Variants in CACNA1D observed in about 807,000 individuals in gnomAD.
CACNA1D encodes calcium voltage-gated channel subunit alpha1 D.
CACNA1D carries 55 observed loss-of-function variants against 257.1 expected under a neutral mutation model. The ratio of observed to expected loss-of-function variants is 0.21; its 90% confidence interval spans 0.17 to 0.27. The LOEUF is 0.27. CACNA1D is among the 10% of genes least tolerant of loss of function. The pLI is 1.00. For missense variants in CACNA1D, 1,876 were observed against 2,784.0 expected, an observed-to-expected ratio of 0.67 and a Z score of 7.34; for synonymous variants, 980 against 1,014.9, an observed-to-expected ratio of 0.97 and a Z score of 0.65.
chr3:53,728,700 A>G (rs145486919), intron 15 of CACNA1D, among the ~76,000 whole-genome samples: 5 of 152,308 alleles, frequency 3.3e-5, no homozygotes, highest in African/African-American at 1.2e-4. Flanking sequence ...TGTTTTCTTT[A>G]TAGCACATGC....
chr3:53,499,063 A>G (rs2090471703), intron 2 of CACNA1D, among the ~76,000 whole-genome samples: 2 of 152,066 alleles, frequency 1.3e-5, no homozygotes, highest in Non-Finnish European at 2.9e-5. Flanking sequence ...GTAAGCAGAG[A>G]CCTCTTTGTG....
At position 53,749,431 on chromosome 3, in the gene CACNA1D, G is replaced by A. The variant is rs1298901616; in HGVS notation, c.3478G>A (p.Glu1160Lys). Residue 1160 changes from glutamate (E) to lysine (K), a missense_variant, in exon 27 of 48, where the codon GAA (glutamate) becomes AAA (lysine). Physicochemically the swap from Glu to Lys is moderately conservative, Grantham distance 56. Transcript: ENST00000350061. ...CATCGTTACATTTCAGGAACAAGGA[G>A]AAAAAGAGTATAAGAACTGTGAGCT... ...FVIVTFQEQG[E>K]KEYKNCELDK... is the part of the protein sequence containing the mutation. 6.2e-7 allele frequency: 1 copy of A among 1,613,990 alleles called. No individual in the cohort carries two copies. Among genetic ancestry groups the A allele is most frequent in the Admixed American group, 1.7e-5 (1 of 60,024 alleles).
At chr3:53,538,193 G>GCTGGAGTGCA (rs2107502469) in intron 3 of CACNA1D, among the ~76,000 whole-genome samples, 1 of 136,470 alleles carries the variant, frequency 7.3e-6, no homozygotes, top group South Asian at 2.4e-4. Flanking sequence ...TATCTCCCAG[G>GCTGGAGTGCA]CTGGAGTGCA....
intron 3 of CACNA1D, among the ~76,000 whole-genome samples, chr3:53,588,843 C>T (rs764806383): frequency 3.3e-5 from 5 of 152,088 alleles, no homozygotes; most frequent in Admixed American, 6.5e-5. Flanking sequence ...TAACAGATTC[C>T]GATCTCCTTT....
intron 3 of CACNA1D, among the ~76,000 whole-genome samples, chr3:53,526,376 T>A (rs2091766466): frequency 6.6e-6 from 1 of 152,234 alleles, no homozygotes; most frequent in African/African-American, 2.4e-5. Flanking sequence ...TATTCCCACC[T>A]GACATAGCCT....
At chr3:53,614,185 G>A (rs2093612903) in intron 3 of CACNA1D, among the ~76,000 whole-genome samples, 1 of 151,576 alleles carries the variant, frequency 6.6e-6, no homozygotes, top group Non-Finnish European at 1.5e-5. Context: ...TAGAGCACTT[G>A]AGGAAGACAT....
intron 3 of CACNA1D, among the ~76,000 whole-genome samples, chr3:53,601,361 A>G (rs2093439821): frequency 6.6e-6 from 1 of 152,016 alleles, no homozygotes; most frequent in Admixed American, 6.6e-5. Context: ...CTGAGAACCA[A>G]TCCACTTTAC....
intron 3 of CACNA1D, among the ~76,000 whole-genome samples, chr3:53,591,377 C>T (rs571283812): frequency 1.2e-4 from 18 of 152,238 alleles, no homozygotes; most frequent in African/African-American, 3.4e-4. Context: ...TTCAGCCTCC[C>T]GAGTAGCTGG....
At position 53,800,642 on chromosome 3, in the gene CACNA1D, G is replaced by T. The variant is rs952967588; in HGVS notation, c.5040+277G>T. ...CCACAGCCGCTGGCCCTGTGGATGA[G>T]CATCCTGAGTCCTTCCGGCAGCTGC... On this transcript the variant is annotated intron_variant, in intron 41 of 47. Coordinates refer to ENST00000350061, the MANE Select transcript of CACNA1D (RefSeq NM_001128840.3). The surrounding 1 kb of genome is among the most constrained non-coding windows in gnomAD (Gnocchi z 4.3). 3.8e-6 allele frequency: 2 copies of T among 523,610 alleles called. No individual in the cohort carries two copies. The highest frequency in any genetic ancestry group is 7.2e-5 in the East Asian group (2 of 27,816). 32.4% of individuals were successfully genotyped at this position (523,610 alleles called of 1,614,324 possible).
chr3:53,580,405 G>A (rs1303537929), intron 3 of CACNA1D, among the ~76,000 whole-genome samples: 2 of 152,226 alleles, frequency 1.3e-5, no homozygotes, highest in Admixed American at 6.5e-5. Context: ...TTAGCACAGC[G>A]AATAGAGAAA....
At position 53,749,248 on chromosome 3, in the gene CACNA1D, C is replaced by T. The variant is rs774426081; in HGVS notation, c.3315-20C>T. The T allele has an allele frequency of 2.5e-6, 4 of 1,600,268 alleles. No homozygotes were observed. The highest frequency in any genetic ancestry group is 3.4e-6 in the Non-Finnish European group (4 of 1,167,894). On this transcript the variant is annotated intron_variant, in intron 26 of 47. Coordinates refer to ENST00000350061, the MANE Select transcript of CACNA1D (RefSeq NM_001128840.3). ...GGCTGGGGGGCTTGGCAGGTCCTCA[C>T]TTGGTTTTTCTCTCTCTAGGTTGCT...
At chr3:53,679,812 A>C (rs1459731636) in intron 8 of CACNA1D, 1 of 152,202 alleles carries the variant, frequency 6.6e-6, no homozygotes, top group Non-Finnish European at 1.5e-5. Context: ...CTGAACCATG[A>C]AGTAATATTG....
intron 3 of CACNA1D, among the ~76,000 whole-genome samples, chr3:53,562,351 T>C (rs2092754847): frequency 6.6e-6 from 1 of 152,230 alleles, no homozygotes; most frequent in African/African-American, 2.4e-5. Flanking sequence ...AGCACTGCCA[T>C]TGTGTTCAGA....
intron 8 of CACNA1D, among the ~76,000 whole-genome samples, chr3:53,681,397 G>A (rs1284669526): frequency 2.0e-5 from 3 of 152,188 alleles, no homozygotes; most frequent in Non-Finnish European, 4.4e-5. Context: ...TATAACAGAC[G>A]AATAAGAAGC....
chr3:53,764,399 T>C (rs1471029230), intron 30 of CACNA1D, among the ~76,000 whole-genome samples: 1 of 152,256 alleles, frequency 6.6e-6, no homozygotes, highest in Non-Finnish European at 1.5e-5. Flanking sequence ...GAGCCAGAGA[T>C]GGCCTATAAT....
Position 53,723,704 on chromosome 3 carries a change from G to A in CACNA1D, c.1892+45G>A, listed in dbSNP as rs370445628. 4 of 1,596,954 alleles carry A rather than the reference G, an allele frequency of 2.5e-6. No individual in the cohort carries two copies. The highest frequency in any genetic ancestry group is 3.4e-6 in the Non-Finnish European group (4 of 1,164,386). On this transcript the variant is annotated intron_variant, in intron 13 of 47. Coordinates refer to ENST00000350061, the MANE Select transcript of CACNA1D (RefSeq NM_001128840.3). The surrounding 1 kb of genome is among the most constrained non-coding windows in gnomAD (Gnocchi z 5.6). ...ACTGCAAATGTTTTATGAACATGAG[G>A]CGGCAACCAGTCACATCCCCGGGCA...
chr3:53,782,563 G>A (rs2095431848), intron 39 of CACNA1D: 1 of 152,124 alleles, frequency 6.6e-6, no homozygotes, highest in Admixed American at 6.5e-5. Context: ...GGCCAGGACG[G>A]TGACCGAGGC....
intron 8 of CACNA1D, among the ~76,000 whole-genome samples, chr3:53,701,741 C>T (rs950262383): frequency 1.3e-5 from 2 of 152,196 alleles, no homozygotes; most frequent in Admixed American, 6.5e-5. Context: ...ATTGGGTAAT[C>T]GTCCACCTGA....
chr3:53,576,137 T>A (rs548931177), intron 3 of CACNA1D, among the ~76,000 whole-genome samples: 5 of 152,284 alleles, frequency 3.3e-5, no homozygotes, highest in Non-Finnish European at 2.9e-5. Context: ...GATAAGACAC[T>A]TAACCCACAG....
Sources: allele counts gnomAD v4.1 joint callset (sites outside exome capture counted in the v4.1 genomes callset), GRCh38; gene constraint gnomAD v4.1.1; non-coding constraint Gnocchi (gnomAD v3.1); transcripts MANE v1.5; gene names NCBI Gene and HGNC (gene_info 2026-07-23, HGNC 2026-07-21).